Variants in PPFIA2 observed in about 807,000 individuals in gnomAD.
The protein encoded by PPFIA2 is liprin-alpha-2.
In PPFIA2, 46 loss-of-function variants were observed where a neutral mutation model predicts 175.5. That is an observed-to-expected ratio of 0.26 (90% CI 0.21 to 0.34). PPFIA2 has a LOEUF of 0.34. Among genes scored for constraint, PPFIA2 ranks in the 10% least tolerant of loss-of-function variants. The pLI is 1.00. For missense variants in PPFIA2, 1,179 were observed against 1,506.1 expected, an observed-to-expected ratio of 0.78 and a Z score of 3.60; for synonymous variants, 568 against 511.4, an observed-to-expected ratio of 1.11 and a Z score of -1.49.
intron 4 of PPFIA2, among the ~76,000 whole-genome samples, chr12:81,538,410 T>C (rs1313375556): frequency 6.6e-6 from 1 of 151,852 alleles, no homozygotes; most frequent in Non-Finnish European, 1.5e-5. Flanking sequence ...GAGTTTAGGT[T>C]CTAGTGCAGA....
chr12:81,313,214 T>G (rs10746187), intron 22 of PPFIA2, among the ~76,000 whole-genome samples: 141,486 of 152,148 alleles, frequency 0.93, 65,936 homozygotes, highest in Non-Finnish European at 0.96. Flanking sequence ...TAAAAATATA[T>G]TACAAGCATA....
chr12:81,420,174 C>A (rs2045993377), intron 7 of PPFIA2, among the ~76,000 whole-genome samples: 1 of 152,132 alleles, frequency 6.6e-6, no homozygotes, highest in African/African-American at 2.4e-5. Context: ...CATACCTTCC[C>A]ATAGGTGAGG....
In PPFIA2 at chr12:81,583,897, T is replaced by C. The variant is rs535872421; in HGVS notation, c.303+92894A>G. On this transcript the variant is annotated intron_variant, in intron 4 of 32. Coordinates refer to ENST00000549396, the MANE Select transcript of PPFIA2 (RefSeq NM_003625.5). ...AGCCATAAACCATGGCTGGTATGTA[T>C]GTATTAATAAAATACTTCTTTACTT... Among the ~76,000 whole-genome samples the C allele has an allele frequency of 5.9e-5, 9 of 152,106 alleles. No homozygotes were observed. In the South Asian group the frequency reaches 1.4e-3, roughly 24 times the overall value.
intron 3 of PPFIA2, 152 bp from the exon 4 acceptor site, chr12:81,676,996 C>T (rs1353656619): frequency 2.4e-6 from 1 of 419,322 alleles, no homozygotes; most frequent in African/African-American, 2.1e-5. Context: ...TAGTACTATA[C>T]AAATAGTCTA....
At chr12:81,392,603 T>C (rs1017342393) in intron 8 of PPFIA2, among the ~76,000 whole-genome samples, 3 of 151,978 alleles carry the variant, frequency 2.0e-5, no homozygotes, top group Non-Finnish European at 2.9e-5. Context: ...AAAATATGTT[T>C]GTTGTCTTTC....
At chr12:81,523,125 T>C (rs951172390) in intron 4 of PPFIA2, among the ~76,000 whole-genome samples, 4 of 152,200 alleles carry the variant, frequency 2.6e-5, no homozygotes, top group Non-Finnish European at 5.9e-5. Flanking sequence ...GTCATGTGGC[T>C]GCTCCTGACA....
chr12:81,582,224 A>G (rs143163436), intron 4 of PPFIA2, among the ~76,000 whole-genome samples: 247 of 151,972 alleles, frequency 1.6e-3, no homozygotes, highest in African/African-American at 5.8e-3. Context: ...GTGAACAATA[A>G]TAATGTATTC....
At chr12:81,620,384 T>A (rs1009503951) in intron 4 of PPFIA2, among the ~76,000 whole-genome samples, 6 of 152,064 alleles carry the variant, frequency 3.9e-5, no homozygotes, top group Non-Finnish European at 5.9e-5. Flanking sequence ...TCGTTCAAAA[T>A]TTTCCTCTGG....
chr12:81,680,652 G>C (rs977429189), intron 3 of PPFIA2, among the ~76,000 whole-genome samples: 1 of 151,854 alleles, frequency 6.6e-6, no homozygotes, highest in African/African-American at 2.4e-5. Context: ...CCTCACACTA[G>C]TGAGGCATGG....
chr12:81,599,190 A>G (rs2153453774), intron 4 of PPFIA2, among the ~76,000 whole-genome samples: 1 of 152,084 alleles, frequency 6.6e-6, no homozygotes, highest in African/African-American at 2.4e-5. Flanking sequence ...TAGGATAGGA[A>G]ACAGAATAAG....
At chr12:81,272,797 G>A (rs1053737573) in intron 28 of PPFIA2, among the ~76,000 whole-genome samples, 7 of 151,972 alleles carry the variant, frequency 4.6e-5, no homozygotes, top group African/African-American at 1.7e-4. Flanking sequence ...GTTATAATAA[G>A]GGCAGATCAA....
chr12:81,701,065 C>A (rs1005483731), intron 3 of PPFIA2, among the ~76,000 whole-genome samples: 1 of 152,114 alleles, frequency 6.6e-6, no homozygotes. Context: ...TTAAGACTGA[C>A]AGCTTGGGTT....
intron 29 of PPFIA2, chr12:81,267,349 A>T (rs894538501): frequency 5.1e-6 from 2 of 392,226 alleles, no homozygotes; most frequent in Non-Finnish European, 9.8e-6. Context: ...GTGAAACGAG[A>T]CTGCCAAATT....
intron 23 of PPFIA2, among the ~76,000 whole-genome samples, chr12:81,295,966 G>C (rs1348568308): frequency 6.6e-6 from 1 of 151,674 alleles, no homozygotes; most frequent in Non-Finnish European, 1.5e-5. Context: ...CTCCAGGCTG[G>C]GGACAGAATG....
At chr12:81,330,433 C>T (rs2055880784) in intron 21 of PPFIA2, among the ~76,000 whole-genome samples, 1 of 152,162 alleles carries the variant, frequency 6.6e-6, no homozygotes, top group Non-Finnish European at 1.5e-5. Context: ...TGAGTATACA[C>T]ATAGTTTATA....
In PPFIA2 at chr12:81,692,612, G is replaced by T. The variant is rs1360559390; in HGVS notation, c.250-15768C>A. On this transcript the variant is annotated intron_variant, in intron 3 of 32. Coordinates refer to ENST00000549396, the MANE Select transcript of PPFIA2 (RefSeq NM_003625.5). ...AGAAATAAGCAATTTTCTTCCTCTG[G>T]ATTTTATGGTCTGGTATTATAATTC... is the stretch of plus-strand genomic sequence containing the variant. Among the ~76,000 whole-genome samples, 3 of 151,972 alleles carry T rather than the reference G, an allele frequency of 2.0e-5. No homozygotes were observed. The East Asian group carries it at 5.8e-4, about 29-fold the overall frequency.
intron 14 of PPFIA2, among the ~76,000 whole-genome samples, chr12:81,365,984 CCCTTCCTTCCTT>C (rs1227188576): frequency 0.019 from 806 of 42,048 alleles, 9 homozygotes; most frequent in Middle Eastern, 0.078. Context: ...CTCCCTCCCT[CCCTTCCTTCCTT>C]CCTTCCTTCC....
chr12:81,586,815 A>G (rs1595316086), intron 4 of PPFIA2, among the ~76,000 whole-genome samples: 1 of 151,896 alleles, frequency 6.6e-6, no homozygotes, highest in Non-Finnish European at 1.5e-5. Flanking sequence ...CTCACTTAAC[A>G]TTACATTTCT....
chr12:81,632,519 G>A (rs912278498), intron 4 of PPFIA2, among the ~76,000 whole-genome samples: 6 of 152,062 alleles, frequency 3.9e-5, no homozygotes, highest in Non-Finnish European at 7.4e-5. Context: ...TTTGCAAAGA[G>A]ATCAAGTCCA....
Sources: allele counts gnomAD v4.1 joint callset (sites outside exome capture counted in the v4.1 genomes callset), GRCh38; gene constraint gnomAD v4.1.1; transcripts MANE v1.5; gene names NCBI Gene and HGNC (gene_info 2026-07-23, HGNC 2026-07-21).